SAMD12: variants seen among roughly 807,000 people sequenced by gnomAD.
SAMD12 encodes the protein sterile alpha motif domain-containing protein 12.
Under a neutral mutation model 15.0 loss-of-function variants are expected in SAMD12, and 9 were observed. That is an observed-to-expected ratio of 0.60 (90% CI 0.36 to 1.05). The LOEUF is 1.05. Among genes scored for constraint, SAMD12 ranks in the 50% least tolerant of loss-of-function variants. SAMD12 has a pLI of 0.01. For missense variants in SAMD12, 230 were observed against 234.2 expected (o/e 0.98, Z 0.12); for synonymous variants, 86 against 90.1 (o/e 0.96, Z 0.25).
intron 4 of SAMD12, among the ~76,000 whole-genome samples, chr8:118,273,911 A>T (rs1364372400): frequency 6.6e-6 from 1 of 152,206 alleles, no homozygotes; most frequent in Non-Finnish European, 1.5e-5. Flanking sequence ...GCCTGGATCC[A>T]TGACACTAAG....
At chr8:118,391,389 C>T (rs1319038466) in intron 3 of SAMD12, among the ~76,000 whole-genome samples, 1 of 152,194 alleles carries the variant, frequency 6.6e-6, no homozygotes, top group Non-Finnish European at 1.5e-5. Context: ...TTGGGATTCT[C>T]TGTTTATTAA....
chr8:118,577,414 A>C (rs1436675626), intron 2 of SAMD12, among the ~76,000 whole-genome samples: 3 of 152,204 alleles, frequency 2.0e-5, no homozygotes, highest in Non-Finnish European at 4.4e-5. Flanking sequence ...AGCACATGCT[A>C]CAATCCTCCC....
At chr8:118,208,861 C>T (rs143469612) in intron 4 of SAMD12, among the ~76,000 whole-genome samples, 38 of 152,120 alleles carry the variant, frequency 2.5e-4, no homozygotes, top group African/African-American at 8.9e-4. Flanking sequence ...TCCTTTCACC[C>T]ATATTGTAAG....
At chr8:118,538,426 G>C (rs1825906311) in intron 2 of SAMD12, among the ~76,000 whole-genome samples, 3 of 152,312 alleles carry the variant, frequency 2.0e-5, no homozygotes, top group Non-Finnish European at 2.9e-5. Context: ...CCAGAACTCA[G>C]GCTCTGACCA....
chr8:118,375,739 A>G (rs1453212880), downstream of SAMD12: 1 of 151,972 alleles, frequency 6.6e-6, no homozygotes, highest in Non-Finnish European at 1.5e-5. Flanking sequence ...TAGTTAATAT[A>G]CTCATACATT....
chr8:118,405,780 C>T (rs3966807), intron 3 of SAMD12, among the ~76,000 whole-genome samples: 5,515 of 152,196 alleles, frequency 0.036, 349 homozygotes, highest in African/African-American at 0.13. Flanking sequence ...GTTTAAAACC[C>T]CTTTGGGTCC....
chr8:118,351,201 A>G (rs1018122089), intron 4 of SAMD12, among the ~76,000 whole-genome samples: 8 of 152,216 alleles, frequency 5.3e-5, no homozygotes, highest in African/African-American at 1.7e-4. Flanking sequence ...GAAGGCATCA[A>G]CTACACATTA....
At chr8:118,245,964 C>T (rs7814539) in intron 4 of SAMD12, among the ~76,000 whole-genome samples, 1,766 of 152,208 alleles carry the variant, frequency 0.012, 47 homozygotes, top group African/African-American at 0.041. Flanking sequence ...AGGAGGTAGG[C>T]AGCACGGTGG....
chr8:118,522,617 G>T (rs1385564961), intron 2 of SAMD12, among the ~76,000 whole-genome samples: 1 of 152,164 alleles, frequency 6.6e-6, no homozygotes, highest in Non-Finnish European at 1.5e-5. Flanking sequence ...GCAGATTAAA[G>T]AAGTTAATAT....
chr8:118,410,692 C>T (rs1048598679), intron 3 of SAMD12, among the ~76,000 whole-genome samples: 9 of 152,130 alleles, frequency 5.9e-5, no homozygotes, highest in Non-Finnish European at 2.9e-5. Context: ...TTTAGTCTGT[C>T]GGCCAGGTGA....
chr8:118,493,958 C>G (rs1824525802), intron 2 of SAMD12, among the ~76,000 whole-genome samples: 1 of 152,182 alleles, frequency 6.6e-6, no homozygotes, highest in East Asian at 1.9e-4. Flanking sequence ...AGTATTTTCT[C>G]CTGTCTCCTT....
intron 4 of SAMD12, among the ~76,000 whole-genome samples, chr8:118,328,315 G>T (rs1271715288): frequency 1.3e-5 from 2 of 152,012 alleles, no homozygotes; most frequent in Admixed American, 6.6e-5. Context: ...CTTCCTACAG[G>T]CTGTGCCCTC....
intron 2 of SAMD12, among the ~76,000 whole-genome samples, chr8:118,520,637 C>G (rs1825363790): frequency 6.6e-6 from 1 of 152,054 alleles, no homozygotes; most frequent in African/African-American, 2.4e-5. Context: ...GGACTAGATG[C>G]CCAGGAAAAG....
At chr8:118,526,896 G>C (rs1393393125) in intron 2 of SAMD12, among the ~76,000 whole-genome samples, 1 of 152,162 alleles carries the variant, frequency 6.6e-6, no homozygotes, top group Non-Finnish European at 1.5e-5. Flanking sequence ...AGGAATTTGA[G>C]AGTCAGTTTC....
chr8:118,165,622 A>ATATATATACATATATACATATATATATG, the SAMD12 span, among the ~76,000 whole-genome samples: 2 of 135,860 alleles, frequency 1.5e-5, no homozygotes, highest in African/African-American at 6.4e-5. Context: ...ATGTATATAT[A>ATATATATACATATATACATATATATATG]TATATATATA....
At chr8:118,528,461 GT>G (rs1825593589) in intron 2 of SAMD12, among the ~76,000 whole-genome samples, 1 of 152,202 alleles carries the variant, frequency 6.6e-6, no homozygotes, top group Non-Finnish European at 1.5e-5. Context: ...TGGTCCACAT[GT>G]TTTTTAAATG....
At chr8:118,284,604 A>G (rs1353278819) in intron 4 of SAMD12, 5 of 252,982 alleles carry the variant, frequency 2.0e-5, no homozygotes, top group Non-Finnish European at 3.9e-5. Context: ...ATATACATAC[A>G]GCATCATTGT....
intron 4 of SAMD12, among the ~76,000 whole-genome samples, chr8:118,295,428 T>C (rs948373252): frequency 1.3e-5 from 2 of 152,302 alleles, no homozygotes; most frequent in Admixed American, 6.5e-5. Context: ...AATATGAAGA[T>C]AAGATCATGT....
chr8:118,255,380 T>G (rs1208288769), intron 4 of SAMD12, among the ~76,000 whole-genome samples: 5 of 151,976 alleles, frequency 3.3e-5, no homozygotes, highest in African/African-American at 1.2e-4. Context: ...ATACTTTAAG[T>G]TTTAGGGTAC....
Sources: gnomAD v4.1 joint callset for allele counts (sites outside exome capture counted in the v4.1 genomes callset) on GRCh38, gnomAD v4.1.1 for gene constraint, MANE v1.5 for transcripts, NCBI Gene and HGNC (gene_info 2026-07-23, HGNC 2026-07-21) for gene names.